Variants in NEK9 observed in about 807,000 individuals in gnomAD.
The protein encoded by NEK9 is serine/threonine-protein kinase Nek9.
A neutral mutation model predicts 123.4 loss-of-function variants in NEK9; 75 were observed. The observed-to-expected ratio is 0.61, with a 90% CI of 0.50 to 0.74. The LOEUF (loss-of-function observed/expected upper bound fraction) is 0.74, where lower values mean the gene tolerates loss of function less well. Ranked by LOEUF, NEK9 falls within the 30% of genes least tolerant of loss-of-function variation. NEK9 has a pLI of 0.00. For synonymous variants in NEK9, 438 were observed against 458.7 expected (o/e 0.95, Z 0.58); for missense variants, 952 against 1,214.4 (o/e 0.78, Z 3.21).
rs921641089 is a variant in NEK9, at chr14:75,102,776, G to A, written c.1732-1011C>T. Reference sequence around the variant, plus strand: ...AATTAATTCTTACCTTTTTCATTGAGTCAGAAAACTTCTGTCTCTTAATTT... The same window carrying A: ...AATTAATTCTTACCTTTTTCATTGAATCAGAAAACTTCTGTCTCTTAATTT... On this transcript the variant is annotated intron_variant, in intron 14 of 21. Transcript: ENST00000238616. 2.6e-5 allele frequency among the ~76,000 whole-genome samples: 4 copies of A among 152,076 alleles called. No individual in the cohort carries two copies. In the East Asian group the frequency reaches 7.7e-4, roughly 29 times the overall value.
chr14:75,116,274 C>T (rs1255139939), intron 6 of NEK9, among the ~76,000 whole-genome samples: 1 of 152,046 alleles, frequency 6.6e-6, no homozygotes, highest in Admixed American at 6.6e-5. Flanking sequence ...AGTGAGAACC[C>T]ATCTCTACAA....
intron 4 of NEK9, among the ~76,000 whole-genome samples, chr14:75,119,271 C>T (rs562275978): frequency 1.3e-5 from 2 of 151,416 alleles, no homozygotes; most frequent in Non-Finnish European, 2.9e-5. Context: ...CATGATTGCA[C>T]CACTACATTC....
At position 75,080,428 on chromosome 14, in the gene NEK9, T is replaced by C. The variant is rs1893837317; in HGVS notation, c.*4136A>G. 1 of 152,038 alleles carries C rather than the reference T, an allele frequency of 6.6e-6. No individual in the cohort carries two copies. The highest frequency in any genetic ancestry group is 2.4e-5 in the African/African-American group (1 of 41,404). The allele number at this position is 152,038 out of a possible 1,614,324, so 9.4% of individuals were successfully genotyped here. On this transcript the variant is annotated 3_prime_UTR_variant, in exon 22 of 22. Coordinates refer to ENST00000238616, the MANE Select transcript of NEK9 (RefSeq NM_033116.6). ...AGATAAGAACCTTTTTTTAAAAAAA[T>C]CTGAATTTCTTCCTGGATAGCTCAG...
chr14:75,117,275 AC>A lies in NEK9; in HGVS notation c.681del (p.Lys227AsnfsTer21). 6.2e-7 allele frequency: 1 copy of A among 1,614,106 alleles called. No homozygotes were observed. Among genetic ancestry groups the A allele is most frequent in the Non-Finnish European group, 8.5e-7 (1 of 1,180,008 alleles). Reference sequence around the variant, plus strand: ...GCCCAGATATCAGACTTGAAATTGTACTTTACTCCTTGACAGAGCTCTGGAG... The same window carrying A: ...GCCCAGATATCAGACTTGAAATTGTATTTACTCCTTGACAGAGCTCTGGAG... Reference protein sequence around the residue: ...YMSPELCQGVKYNFKSDIWAV... With the variant: ...YMSPELCQGVXYNFKSDIWAV... On this transcript the variant is annotated frameshift_variant, in exon 6 of 22. Coordinates refer to ENST00000238616, the MANE Select transcript of NEK9 (RefSeq NM_033116.6). LOFTEE classifies it high-confidence loss of function.
At chr14:75,114,117 G>A in intron 7 of NEK9, 86 bp downstream of exon 7, 1 of 917,556 alleles carries the variant, frequency 1.1e-6, no homozygotes, top group South Asian at 1.4e-5. Context: ...ATGTGGTTTT[G>A]TATGGTTTAT....
rs542090503 is a variant in NEK9, at chr14:75,097,277, A to T, written c.2003-7T>A. 1 of 1,591,408 alleles carries T rather than the reference A, an allele frequency of 6.3e-7. No individual in the cohort carries two copies. The highest frequency in any genetic ancestry group is 8.6e-7 in the Non-Finnish European group (1 of 1,168,928). On this transcript the variant is annotated splice_polypyrimidine_tract_variant and splice_region_variant and intron_variant, in intron 16 of 21. Transcript: ENST00000238616. ...CAGGCAAAAATGTGATTATCTAGGAAAAAAGTTAAACAGTAGACCATTTAA... is the reference window on the plus strand; with the variant it reads ...CAGGCAAAAATGTGATTATCTAGGATAAAAGTTAAACAGTAGACCATTTAA...
chr14:75,109,927 C>CAAAGA (rs1894906380), intron 9 of NEK9, 50 bp from the exon 10 acceptor site: 2 of 1,528,836 alleles, frequency 1.3e-6, no homozygotes, highest in African/African-American at 2.8e-5. Flanking sequence ...AAAACAATAT[C>CAAAGA]AAAGAAAAAT....
chr14:75,113,483 C>G, intron 7 of NEK9, 80 bp from the exon 8 acceptor site: 5 of 970,530 alleles, frequency 5.2e-6, no homozygotes, highest in Non-Finnish European at 8.2e-6. Context: ...TAGTCAAAGA[C>G]CACTGCATTA....
At chr14:75,101,815 G>A (rs748088945) in intron 14 of NEK9, 50 bp from the exon 15 acceptor site, 1 of 1,352,642 alleles carries the variant, frequency 7.4e-7, no homozygotes, top group Non-Finnish European at 1.1e-6. Context: ...GAAAATCGAA[G>A]GAAAATCAGG....
intron 2 of NEK9, among the ~76,000 whole-genome samples, chr14:75,121,971 A>C (rs528227540): frequency 6.6e-6 from 1 of 152,366 alleles, no homozygotes; most frequent in South Asian, 2.1e-4. Flanking sequence ...ATTTCCCAAA[A>C]TTTAGGGTCT....
At chr14:75,110,506 A>G (rs563014170) in intron 8 of NEK9, 135 bp from the exon 9 acceptor site, 1 of 647,804 alleles carries the variant, frequency 1.5e-6, no homozygotes, top group East Asian at 2.7e-5. Flanking sequence ...TACTTTTAGC[A>G]AAGTACCTCA....
chr14:75,080,588 C>T lies in NEK9; in HGVS notation c.*3976G>A, dbSNP rs1893841377. 1 of 151,476 alleles carries T rather than the reference C, an allele frequency of 6.6e-6. No homozygotes were observed. Among genetic ancestry groups the T allele is most frequent in the South Asian group, 2.1e-4 (1 of 4,798 alleles). 9.4% of individuals were successfully genotyped at this position (151,476 alleles called of 1,614,324 possible). A position where few individuals can be genotyped will look rare whatever the true frequency, so the allele number is the denominator to read the frequency against. On this transcript the variant is annotated 3_prime_UTR_variant, in exon 22 of 22. Transcript: ENST00000238616. ...GGAGAAATTTCACGGGGAAACTCCT[C>T]ATGTGGAAACTCATTTCATTAAAAA...
At chr14:75,120,713 C>A in intron 3 of NEK9, 133 bp from the exon 4 acceptor site, 1 of 701,322 alleles carries the variant, frequency 1.4e-6, no homozygotes, top group East Asian at 2.7e-5. Context: ...ACATCTCTTC[C>A]TTGCAGGTTG....
rs750601623 is a variant in NEK9 at position 75,126,815 on chromosome 14, T to C, written c.107A>G (p.Gln36Arg). The C allele has an allele frequency of 9.1e-6, 14 of 1,532,992 alleles. No homozygotes were observed. The highest frequency in any genetic ancestry group is 1.2e-5 in the Non-Finnish European group (14 of 1,140,636). 95.0% of individuals were successfully genotyped at this position (1,532,992 alleles called of 1,614,324 possible). A position where few individuals can be genotyped will look rare whatever the true frequency, so the allele number is the denominator to read the frequency against. ...GDSSPGPSAS[Q>R]GPRAGGGAAE... ...CGCGCCGCCGCCGGCTCGCGGCCCCTGACTGGCGCTAGGCCCCGGACTCGA... is the reference window on the plus strand; with the variant it reads ...CGCGCCGCCGCCGGCTCGCGGCCCCCGACTGGCGCTAGGCCCCGGACTCGA... Residue 36 changes from glutamine to arginine, a missense_variant, in exon 1 of 22, where the codon CAG becomes CGG. Transcript: ENST00000238616.
At chr14:75,096,255 C>T (rs936562845) in intron 17 of NEK9, among the ~76,000 whole-genome samples, 2 of 113,268 alleles carry the variant, frequency 1.8e-5, no homozygotes, top group African/African-American at 3.5e-5. Flanking sequence ...CCAGCCTGGG[C>T]GACAGAGCGA....
At chr14:75,115,197 C>CCTCTGT (rs1332434642) in intron 6 of NEK9, among the ~76,000 whole-genome samples, 3 of 152,102 alleles carry the variant, frequency 2.0e-5, no homozygotes, top group Admixed American at 2.0e-4. Flanking sequence ...CTCACTACAA[C>CCTCTGT]CTCTGTCTCC....
intron 14 of NEK9, among the ~76,000 whole-genome samples, chr14:75,102,226 C>T (rs981706458): frequency 6.6e-6 from 1 of 152,102 alleles, no homozygotes; most frequent in African/African-American, 2.4e-5. Flanking sequence ...ACTCATGTTC[C>T]CTTTGAATTA....
Position 75,117,276 on chromosome 14 carries a change from C to T in NEK9, c.681G>A (p.Lys227=), listed in dbSNP as rs779516499. The part of the protein sequence containing the change: ...YMSPELCQGV[K]YNFKSDIWAV... ...CCCAGATATCAGACTTGAAATTGTA[C>T]TTTACTCCTTGACAGAGCTCTGGAG... Residue 227 remains lysine, a synonymous_variant, in exon 6 of 22, where the codon AAG becomes AAA. Transcript: ENST00000238616. 1 of 1,614,048 alleles carries T rather than the reference C, an allele frequency of 6.2e-7. No homozygotes were observed. The highest frequency in any genetic ancestry group is 1.1e-5 in the South Asian group (1 of 91,084).
At chr14:75,093,070 A>G (rs1262666155) in intron 18 of NEK9, among the ~76,000 whole-genome samples, 1 of 152,240 alleles carries the variant, frequency 6.6e-6, no homozygotes, top group African/African-American at 2.4e-5. Flanking sequence ...AACAATAAAC[A>G]TAGGTCTATT....
Sources: gnomAD v4.1 joint callset for allele counts (sites outside exome capture counted in the v4.1 genomes callset) on GRCh38, gnomAD v4.1.1 for gene constraint, MANE v1.5 for transcripts, NCBI Gene and HGNC (gene_info 2026-07-23, HGNC 2026-07-21) for gene names.